The following PLCG2 variants were observed in gnomAD, a reference collection of about 807,000 sequenced individuals.
PLCG2 encodes the protein 1-phosphatidylinositol 4,5-bisphosphate phosphodiesterase gamma-2.
A neutral mutation model predicts 175.6 loss-of-function variants in PLCG2; 69 were observed. That is an observed-to-expected ratio of 0.39 (90% CI 0.32 to 0.48). The LOEUF (loss-of-function observed/expected upper bound fraction) is 0.48. Ranked by LOEUF, PLCG2 falls within the 20% of genes least tolerant of loss-of-function variation. The pLI, the probability that PLCG2 is intolerant of heterozygous loss-of-function variation, is 0.91. For missense variants in PLCG2, 1,798 were observed against 1,650.9 expected (o/e 1.09, Z -1.54); for synonymous variants, 827 against 624.0 (o/e 1.33, Z -4.85).
intron 10 of PLCG2, among the ~76,000 whole-genome samples, chr16:81,890,347 A>G (rs1908572545): frequency 6.6e-6 from 1 of 152,222 alleles, no homozygotes; most frequent in African/African-American, 2.4e-5. Flanking sequence ...AATGTTTTCC[A>G]AAGTTAGCTT....
Position 81,753,883 on chromosome 16 carries a change from C to T in PLCG2, c.-144-1987C>T, listed in dbSNP as rs1909864187. Among the ~76,000 whole-genome samples the T allele has an allele frequency of 3.9e-5, 6 of 152,140 alleles. No homozygotes were observed. The South Asian group carries it at 1.2e-3, about 31-fold the overall frequency. On this transcript the variant is annotated intron_variant, in intron 1 of 5. Coordinates refer to the PLCG2 transcript ENST00000565054. ...AGAGGGCCTGGGGAGTGGGAAGTGG[C>T]TGCGGAGGTGAGACTCCCCCATCCC...
At chr16:81,921,652 ACT>A (rs1910067657) in intron 21 of PLCG2, 1 of 297,048 alleles carries the variant, frequency 3.4e-6, no homozygotes. Context: ...TCCCACCCTG[ACT>A]CTGTTGTGTA....
At chr16:81,942,019 T>G (rs1367789217) in intron 30 of PLCG2, among the ~76,000 whole-genome samples, 2 of 152,210 alleles carry the variant, frequency 1.3e-5, no homozygotes, top group Non-Finnish European at 2.9e-5. Flanking sequence ...ATGACACCAA[T>G]TCTTCTGGTG....
chr16:81,875,034 A>C (rs1174982657), intron 7 of PLCG2, among the ~76,000 whole-genome samples: 1 of 131,956 alleles, frequency 7.6e-6, no homozygotes, highest in Non-Finnish European at 1.5e-5. Flanking sequence ...CACGATCTTG[A>C]TTCACTGCAA....
At chr16:81,876,090 A>G (rs759947451) in intron 7 of PLCG2, among the ~76,000 whole-genome samples, 2 of 147,112 alleles carry the variant, frequency 1.4e-5, no homozygotes, top group Admixed American at 7.1e-5. Flanking sequence ...CAGTGGTACA[A>G]TCATGGCTCA....
intron 1 of PLCG2, 137 bp from the exon 2 acceptor site, chr16:81,785,806 G>GCCTT (rs1017744369): frequency 5.1e-6 from 3 of 584,800 alleles, no homozygotes; most frequent in African/African-American, 3.8e-5. Context: ...GGCCAGCGAT[G>GCCTT]CCTTGCCACT....
At chr16:81,935,209 C>T (rs924940453) in intron 26 of PLCG2, among the ~76,000 whole-genome samples, 2 of 152,162 alleles carry the variant, frequency 1.3e-5, no homozygotes, top group Non-Finnish European at 2.9e-5. Flanking sequence ...AAGCCATTCC[C>T]TTCTTCCAGT....
intron 1 of PLCG2, among the ~76,000 whole-genome samples, chr16:81,748,776 T>C (rs902485159): frequency 5.3e-5 from 8 of 152,194 alleles, no homozygotes; most frequent in African/African-American, 1.9e-4. Flanking sequence ...GCCAGTGACT[T>C]TCATATCTGT....
chr16:81,778,032 C>CAA (rs566484508), upstream of PLCG2, among the ~76,000 whole-genome samples: 99 of 58,692 alleles, frequency 1.7e-3, 1 homozygote, highest in African/African-American at 2.5e-3. Flanking sequence ...AAAAAAAAAA[C>CAA]AAAAAAAAAA....
chr16:81,922,434 AT>A (rs1388026946), intron 21 of PLCG2, among the ~76,000 whole-genome samples: 2 of 152,238 alleles, frequency 1.3e-5, no homozygotes, highest in Admixed American at 1.3e-4. Context: ...GCTTGGAATA[AT>A]GCTTTAGCGA....
intron 13 of PLCG2, among the ~76,000 whole-genome samples, chr16:81,896,977 T>G (rs75155139): frequency 0.011 from 1,657 of 152,338 alleles, 34 homozygotes; most frequent in African/African-American, 0.038. Context: ...AACGAAATTG[T>G]TCTATAAAGA....
chr16:81,877,242 C>G (rs916323212), intron 7 of PLCG2, among the ~76,000 whole-genome samples: 19 of 152,206 alleles, frequency 1.2e-4, no homozygotes, highest in African/African-American at 4.6e-4. Flanking sequence ...ATCGCGAGGT[C>G]AGGAGATCGA....
intron 2 of PLCG2, among the ~76,000 whole-genome samples, chr16:81,830,647 G>GGTGT (rs58171961): frequency 2.0e-5 from 3 of 149,606 alleles, no homozygotes; most frequent in South Asian, 4.2e-4. Flanking sequence ...AAATGTGTGG[G>GGTGT]GTGTGTGTGT....
At chr16:81,780,137 GAGA>G (rs1910664566) in intron 1 of PLCG2, among the ~76,000 whole-genome samples, 1 of 152,124 alleles carries the variant, frequency 6.6e-6, no homozygotes, top group Non-Finnish European at 1.5e-5. Context: ...GAACTAGGGT[GAGA>G]AACTATGGGG....
chr16:81,942,386 C>CTG (rs1198505865), intron 30 of PLCG2, among the ~76,000 whole-genome samples: 6 of 152,234 alleles, frequency 3.9e-5, no homozygotes, highest in Non-Finnish European at 7.3e-5. Flanking sequence ...CCTCCCCCGA[C>CTG]TGTGAGATAC....
intron 2 of PLCG2, among the ~76,000 whole-genome samples, chr16:81,852,839 A>C (rs1266750585): frequency 1.3e-5 from 2 of 152,152 alleles, no homozygotes; most frequent in African/African-American, 4.8e-5. Flanking sequence ...TCCACTTCTA[A>C]GATGGTCCAG....
chr16:81,910,640 C>T lies in PLCG2; in HGVS notation c.1854C>T (p.Arg618=), dbSNP rs566722658. The T allele has an allele frequency of 3.7e-6, 6 of 1,613,882 alleles. No homozygotes were observed. The Admixed American group carries it at 5.0e-5, about 13-fold the overall frequency. The change falls in exon 18 of 33, where the codon CGC becomes CGT. Residue 618 remains arginine (R), a synonymous_variant. Transcript: ENST00000564138. ...TCTATGCCCTCATCCAGCACTACCGCGAGACGCACCTGCGCTGCGCCGAGT... is the reference window on the plus strand; with the variant it reads ...TCTATGCCCTCATCCAGCACTACCGTGAGACGCACCTGCGCTGCGCCGAGT... ...SSIYALIQHY[R]ETHLRCAEFE... is the part of the protein sequence containing the mutation.
At chr16:81,758,865 A>G (rs1909983657) in intron 2 of PLCG2, among the ~76,000 whole-genome samples, 1 of 151,992 alleles carries the variant, frequency 6.6e-6, no homozygotes, top group African/African-American at 2.4e-5. Flanking sequence ...TTTAGTAGAG[A>G]CGGGGTTTCA....
intron 30 of PLCG2, among the ~76,000 whole-genome samples, chr16:81,945,533 G>A (rs1284537159): frequency 6.6e-6 from 1 of 152,250 alleles, no homozygotes; most frequent in African/African-American, 2.4e-5. Context: ...AAACAAGCCA[G>A]CAAACCAACC....
Sources: gnomAD v4.1 joint callset for allele counts (sites outside exome capture counted in the v4.1 genomes callset) on GRCh38, gnomAD v4.1.1 for gene constraint, MANE v1.5 for transcripts, NCBI Gene and HGNC (gene_info 2026-07-23, HGNC 2026-07-21) for gene names.